CIB3: variants seen among roughly 807,000 people sequenced by gnomAD.
The protein encoded by CIB3 is calcium and integrin binding family member 3.
In CIB3, 22 loss-of-function variants were observed where a neutral mutation model predicts 23.4. The observed-to-expected ratio is 0.94, with a 90% confidence interval of 0.67 to 1.34. The LOEUF (loss-of-function observed/expected upper bound fraction) is 1.34. Among genes scored for constraint, CIB3 ranks in the 40% most tolerant of loss-of-function variants. The probability of loss-of-function intolerance (pLI) is 0.00; values close to 1 mark genes in which losing one functional copy is unlikely to be tolerated. For synonymous variants in CIB3, 93 were observed against 95.8 expected (o/e 0.97, Z 0.17); for missense variants, 258 against 247.3 (o/e 1.04, Z -0.29).
chr19:16,165,566 C>A (rs965547029), intron 4 of CIB3, among the ~76,000 whole-genome samples: 2 of 152,016 alleles, frequency 1.3e-5, no homozygotes, highest in African/African-American at 4.8e-5. Context: ...GCCTCAGCCT[C>A]CCAAGTAGCT....
chr19:16,163,040 C>T (rs1368504593), intron 5 of CIB3, among the ~76,000 whole-genome samples: 1 of 151,526 alleles, frequency 6.6e-6, no homozygotes, highest in Non-Finnish European at 1.5e-5. Context: ...GAGGTGTGCC[C>T]CACCATGCCC....
At chr19:16,170,140 T>G (rs8107000) in intron 2 of CIB3, among the ~76,000 whole-genome samples, 7 of 151,912 alleles carry the variant, frequency 4.6e-5, no homozygotes, top group Non-Finnish European at 7.4e-5. Flanking sequence ...CACTGCACAC[T>G]GAGGTATACT....
intron 5 of CIB3, among the ~76,000 whole-genome samples, chr19:16,161,866 C>T (rs574255573): frequency 6.6e-6 from 1 of 151,434 alleles, no homozygotes; most frequent in African/African-American, 2.4e-5. Context: ...TCAGTAGAAA[C>T]GGAGTTTCTC....
chr19:16,165,691 C>T, intron 4 of CIB3, among the ~76,000 whole-genome samples: 1 of 152,170 alleles, frequency 6.6e-6, no homozygotes, highest in Non-Finnish European at 1.5e-5. Context: ...GATCCACCCA[C>T]CTCGGTCTCC....
At chr19:16,164,460 T>G (rs2145077601) in intron 5 of CIB3, among the ~76,000 whole-genome samples, 1 of 152,244 alleles carries the variant, frequency 6.6e-6, no homozygotes, top group South Asian at 2.1e-4. Context: ...CACTGCAAAC[T>G]GTTCAGGCAA....
intron 4 of CIB3, among the ~76,000 whole-genome samples, chr19:16,166,764 A>G (rs976994685): frequency 1.3e-5 from 2 of 152,102 alleles, no homozygotes; most frequent in Non-Finnish European, 2.9e-5. Flanking sequence ...CATGATAACT[A>G]TTTTTCATGT....
chr19:16,163,129 G>C (rs904723680), intron 5 of CIB3, among the ~76,000 whole-genome samples: 1 of 152,100 alleles, frequency 6.6e-6, no homozygotes, highest in East Asian at 1.9e-4. Context: ...GAGCCACTGC[G>C]CTCGGCCCCG....
rs1284556275 is a variant in CIB3 at position 16,167,849 on chromosome 19, A to AAAAT, written c.346+284_346+287dup. Among the ~76,000 whole-genome samples, 6 of 152,282 alleles carry AAAAT rather than the reference A, an allele frequency of 3.9e-5. No individual in the cohort carries two copies. In the East Asian group the frequency reaches 5.8e-4, roughly 15 times the overall value. On this transcript the variant is annotated intron_variant, in intron 4 of 5. Transcript: ENST00000269878. ...CTCCATCTCAAAAAAATAAAAAATA[A>AAAAT]AAATCAATAAATAAATAAGGAGCAA...
At chr19:16,163,339 G>A in intron 5 of CIB3, among the ~76,000 whole-genome samples, 1 of 152,146 alleles carries the variant, frequency 6.6e-6, no homozygotes, top group Non-Finnish European at 1.5e-5. Context: ...TGAATCACTT[G>A]AGGTCAGGAG....
chr19:16,170,298 G>A (rs2091322713), intron 2 of CIB3, among the ~76,000 whole-genome samples: 1 of 152,148 alleles, frequency 6.6e-6, no homozygotes, highest in Admixed American at 6.6e-5. Flanking sequence ...AAGCTAGCGA[G>A]GAGAAGGGGG....
At chr19:16,166,823 T>C (rs1056323682) in intron 4 of CIB3, among the ~76,000 whole-genome samples, 6 of 152,226 alleles carry the variant, frequency 3.9e-5, no homozygotes, top group African/African-American at 1.4e-4. Context: ...CTCATGCCTG[T>C]AATCCTGCCA....
At position 16,161,432 on chromosome 19, in the gene CIB3, G is replaced by C; in HGVS notation, c.*33C>G. The C allele has an allele frequency of 6.2e-7, 1 of 1,612,522 alleles. No individual in the cohort carries two copies. Among genetic ancestry groups the C allele is most frequent in the Non-Finnish European group, 8.5e-7 (1 of 1,178,600 alleles). The stretch of plus-strand genomic sequence containing the variant: ...TCCACAGCGGGTGAGGGGTCACCCC[G>C]CCCTCCTATAGCTCGGCTCCTCTGT... On this transcript the variant is annotated 3_prime_UTR_variant, in exon 6 of 6. Transcript: ENST00000269878.
chr19:16,162,788 T>A (rs754040626), intron 5 of CIB3, among the ~76,000 whole-genome samples: 5 of 151,002 alleles, frequency 3.3e-5, no homozygotes, highest in Non-Finnish European at 5.9e-5. Flanking sequence ...AATTAATTAA[T>A]AAAATAAAAC....
At chr19:16,168,083 T>C in intron 4 of CIB3, 54 bp downstream of exon 4, 1 of 1,521,906 alleles carries the variant, frequency 6.6e-7, no homozygotes, top group Non-Finnish European at 8.9e-7. Flanking sequence ...ACCCACCCAG[T>C]TCCCACTCCC....
At chr19:16,167,498 G>A (rs1254549814) in intron 4 of CIB3, among the ~76,000 whole-genome samples, 2 of 152,072 alleles carry the variant, frequency 1.3e-5, no homozygotes, top group Admixed American at 6.6e-5. Context: ...GGGGATGAAT[G>A]GGGAGAGGCC....
At chr19:16,173,062 A>T in intron 2 of CIB3, 100 bp downstream of exon 2, 1 of 1,389,304 alleles carries the variant, frequency 7.2e-7, no homozygotes, top group Non-Finnish European at 1.0e-6. Flanking sequence ...ACACACACAC[A>T]CACACACACA....
chr19:16,168,994 G>A (rs1568338084), intron 3 of CIB3, among the ~76,000 whole-genome samples: 1 of 152,150 alleles, frequency 6.6e-6, no homozygotes, highest in Non-Finnish European at 1.5e-5. Flanking sequence ...CAAACATCCT[G>A]CTGATAAAAA....
Position 16,161,450 on chromosome 19 carries a change from T to G in CIB3, c.*15A>C. 6.2e-7 allele frequency: 1 copy of G among 1,613,870 alleles called. No individual in the cohort carries two copies. Among genetic ancestry groups the G allele is most frequent in the Non-Finnish European group, 8.5e-7 (1 of 1,179,824 alleles). On this transcript the variant is annotated 3_prime_UTR_variant, in exon 6 of 6. Coordinates refer to ENST00000269878, the MANE Select transcript of CIB3 (RefSeq NM_054113.4). ...TCACCCCGCCCTCCTATAGCTCGGC[T>G]CCTCTGTGGTGCCATCAGATTCGGA...
Position 16,161,376 on chromosome 19 carries a change from AGT to A in CIB3, c.*87_*88del. 7.5e-7 allele frequency: 1 copy of A among 1,333,088 alleles called. No homozygotes were observed. Among genetic ancestry groups the A allele is most frequent in the Non-Finnish European group, 1.1e-6 (1 of 924,012 alleles). 82.6% of individuals were successfully genotyped at this position (1,333,088 alleles called of 1,614,324 possible). ...TGTGTCCTCCCAGCAGGTGTGACTC[AGT>A]GACTTGTGTTTATTCTCAGAAACCA... On this transcript the variant is annotated 3_prime_UTR_variant, in exon 6 of 6. Coordinates refer to ENST00000269878, the MANE Select transcript of CIB3 (RefSeq NM_054113.4).
Sources: gnomAD v4.1 joint callset for allele counts (sites outside exome capture counted in the v4.1 genomes callset) on GRCh38, gnomAD v4.1.1 for gene constraint, MANE v1.5 for transcripts, NCBI Gene and HGNC (gene_info 2026-07-23, HGNC 2026-07-21) for gene names.